MBNL2: variants seen among roughly 807,000 people sequenced by gnomAD.
MBNL2 encodes muscleblind-like protein 2.
In MBNL2, 17 loss-of-function variants were observed where a neutral mutation model predicts 41.9. That is an observed-to-expected ratio of 0.41 (90% confidence interval 0.28 to 0.61). MBNL2 has a LOEUF of 0.61. Among genes scored for constraint, MBNL2 ranks in the 20% least tolerant of loss-of-function variants. MBNL2 has a pLI of 0.35. For missense variants in MBNL2, 336 were observed against 505.6 expected (o/e 0.66, Z 3.22); for synonymous variants, 195 against 182.9 (o/e 1.07, Z -0.53).
upstream of MBNL2, among the ~76,000 whole-genome samples, chr13:97,219,653 G>A (rs1222125826): frequency 1.3e-5 from 2 of 152,060 alleles, no homozygotes; most frequent in East Asian, 1.9e-4. Context: ...CCACCCTCAC[G>A]ACCTCATCTA....
At chr13:97,203,522 C>T in the MBNL2 span, among the ~76,000 whole-genome samples, 1 of 152,162 alleles carries the variant, frequency 6.6e-6, no homozygotes, top group Non-Finnish European at 1.5e-5. Flanking sequence ...TTTGTGCTGG[C>T]TTTCCTCTAC....
At chr13:97,274,887 G>A (rs939382706) in intron 1 of MBNL2, among the ~76,000 whole-genome samples, 2 of 152,120 alleles carry the variant, frequency 1.3e-5, no homozygotes, top group African/African-American at 4.8e-5. Flanking sequence ...TTATGACTCA[G>A]TTAAAAACTA....
the MBNL2 span, among the ~76,000 whole-genome samples, chr13:97,162,569 A>C: frequency 6.6e-6 from 1 of 152,214 alleles, no homozygotes; most frequent in Non-Finnish European, 1.5e-5. Context: ...AATTATAAAA[A>C]TACGAAGAGC....
chr13:97,144,426 T>TTTTTTC, the MBNL2 span, among the ~76,000 whole-genome samples: 1 of 27,528 alleles, frequency 3.6e-5, no homozygotes, highest in African/African-American at 7.3e-5. Context: ...GATACTTCTT[T>TTTTTTC]TTTTTTTTTT....
At chr13:97,156,565 TTTTTG>T in the MBNL2 span, among the ~76,000 whole-genome samples, 9 of 140,162 alleles carry the variant, frequency 6.4e-5, no homozygotes, top group African/African-American at 2.5e-4. Context: ...CTTGAATTGA[TTTTTG>T]TATAAGGTGT....
At chr13:97,210,688 G>T in the MBNL2 span, among the ~76,000 whole-genome samples, 1 of 139,500 alleles carries the variant, frequency 7.2e-6, no homozygotes, top group Non-Finnish European at 1.5e-5. Flanking sequence ...TGCCTCCCAG[G>T]TTCAAGTGAT....
At chr13:97,147,226 C>A in the MBNL2 span, among the ~76,000 whole-genome samples, 1 of 152,198 alleles carries the variant, frequency 6.6e-6, no homozygotes, top group African/African-American at 2.4e-5. Context: ...ACTGTCTGTT[C>A]ACTTTATATT....
At chr13:97,304,584 G>T (rs117159859) in intron 2 of MBNL2, among the ~76,000 whole-genome samples, 2 of 152,192 alleles carry the variant, frequency 1.3e-5, no homozygotes, top group East Asian at 3.9e-4. Flanking sequence ...TTAAAGACTT[G>T]ATTTTGGATC....
At chr13:97,388,620 C>T (rs1440691263) in intron 8 of MBNL2, among the ~76,000 whole-genome samples, 2 of 152,012 alleles carry the variant, frequency 1.3e-5, no homozygotes, top group East Asian at 1.9e-4. Context: ...CTGGGACTCT[C>T]GGGCCTGTAA....
the MBNL2 span, among the ~76,000 whole-genome samples, chr13:97,144,311 T>C: frequency 6.6e-6 from 1 of 152,070 alleles, no homozygotes; most frequent in African/African-American, 2.4e-5. Context: ...CAGATACCCG[T>C]AGGATCCTGA....
the MBNL2 span, among the ~76,000 whole-genome samples, chr13:97,141,943 T>C: frequency 2.0e-5 from 3 of 152,324 alleles, no homozygotes; most frequent in African/African-American, 7.2e-5. Context: ...CCTTTTCTCC[T>C]TGGCTATAGC....
the MBNL2 span, among the ~76,000 whole-genome samples, chr13:97,214,902 C>G: frequency 1.3e-5 from 2 of 152,240 alleles, no homozygotes; most frequent in Non-Finnish European, 2.9e-5. Context: ...GGGAAATGCT[C>G]ATTGCTGCTT....
intron 1 of MBNL2, among the ~76,000 whole-genome samples, chr13:97,233,155 A>G (rs1243743064): frequency 1.1e-5 from 1 of 94,738 alleles, no homozygotes; most frequent in Non-Finnish European, 2.1e-5. Context: ...ATATATATAT[A>G]TATATATATA....
At chr13:97,159,301 A>C in the MBNL2 span, among the ~76,000 whole-genome samples, 1 of 151,662 alleles carries the variant, frequency 6.6e-6, no homozygotes, top group African/African-American at 2.4e-5. Flanking sequence ...TCTGCACGTG[A>C]GATGGGTTTC....
rs1326918955 is a variant in MBNL2 at position 97,393,787 on chromosome 13, T to C, written c.*2338T>C. ...CTATGATGAATAAATCTTAAATGCTTTGTTTAATTAAAAAACAAAAATCAC... is the reference window on the plus strand; with the variant it reads ...CTATGATGAATAAATCTTAAATGCTCTGTTTAATTAAAAAACAAAAATCAC... On this transcript the variant is annotated 3_prime_UTR_variant, in exon 9 of 9. Transcript: ENST00000679496. 6.6e-6 allele frequency: 1 copy of C among 152,484 alleles called. No individual in the cohort carries two copies. The highest frequency in any genetic ancestry group is 6.6e-5 in the Admixed American group (1 of 15,258). 9.4% of individuals were successfully genotyped at this position (152,484 alleles called of 1,614,324 possible).
chr13:97,309,321 C>A (rs2058380429), intron 2 of MBNL2, among the ~76,000 whole-genome samples: 1 of 152,214 alleles, frequency 6.6e-6, no homozygotes, highest in Non-Finnish European at 1.5e-5. Flanking sequence ...GTTCAAACCA[C>A]TGTTGTTGAC....
chr13:97,166,834 AGATAGAAAGAT>A, the MBNL2 span, among the ~76,000 whole-genome samples: 1 of 145,998 alleles, frequency 6.8e-6, no homozygotes, highest in Non-Finnish European at 1.5e-5. Context: ...ATAGATAGAT[AGATAGAAAGAT>A]AGATAGAGAT....
chr13:97,304,173 G>C (rs1239880562), intron 2 of MBNL2, among the ~76,000 whole-genome samples: 1 of 152,182 alleles, frequency 6.6e-6, no homozygotes, highest in Non-Finnish European at 1.5e-5. Flanking sequence ...AGAGGGGACA[G>C]GAATTTGCAT....
At chr13:97,283,886 C>T (rs1451265219) in intron 2 of MBNL2, among the ~76,000 whole-genome samples, 2 of 152,124 alleles carry the variant, frequency 1.3e-5, no homozygotes, top group African/African-American at 2.4e-5. Flanking sequence ...AGTTTCAGTG[C>T]CTTCAGTGAG....
Sources: allele counts gnomAD v4.1 joint callset (sites outside exome capture counted in the v4.1 genomes callset), GRCh38; gene constraint gnomAD v4.1.1; transcripts MANE v1.5; gene names NCBI Gene and HGNC (gene_info 2026-07-23, HGNC 2026-07-21).